The following NTN4 variants were observed in gnomAD, a reference collection of about 807,000 sequenced individuals.
NTN4 encodes the protein netrin 4.
NTN4 carries 32 observed loss-of-function variants against 73.6 expected under a neutral mutation model. That is an observed-to-expected ratio of 0.44 (90% CI 0.33 to 0.58). NTN4 has a LOEUF of 0.58. NTN4 is among the 20% of genes least tolerant of loss of function. NTN4 has a pLI of 0.04. For synonymous variants in NTN4, 258 were observed against 287.5 expected (o/e 0.90, Z 1.04); for missense variants, 654 against 798.3 (o/e 0.82, Z 2.18).
At chr12:95,764,832 T>A (rs1235547133) in intron 2 of NTN4, among the ~76,000 whole-genome samples, 1 of 152,232 alleles carries the variant, frequency 6.6e-6, no homozygotes, top group African/African-American at 2.4e-5. Context: ...ATTGAGAATC[T>A]TTTACACGTT....
Position 95,781,311 on chromosome 12 carries a change from TTAAAA to T in NTN4, c.585+5623_585+5627del, listed in dbSNP as rs1206996995. 6.6e-6 allele frequency among the ~76,000 whole-genome samples: 1 copy of T among 151,958 alleles called. No individual in the cohort carries two copies. The highest frequency in any genetic ancestry group is 1.9e-4 in the East Asian group (1 of 5,178). On this transcript the variant is annotated intron_variant, in intron 2 of 9. Coordinates refer to ENST00000343702, the MANE Select transcript of NTN4 (RefSeq NM_021229.4). The surrounding 1 kb of genome is among the most constrained non-coding windows in gnomAD (Gnocchi z 4.1). ...AGAACTTAAAGTATAATAAAAAAATTTAAAAAACCATACCATTACCATAAAGCAAA... is the reference window on the plus strand; with the variant it reads ...AGAACTTAAAGTATAATAAAAAAATTAACCATACCATTACCATAAAGCAAA...
Position 95,658,445 on chromosome 12 carries a change from T to C in NTN4, c.*641A>G, listed in dbSNP as rs1446119469. The C allele has an allele frequency of 6.6e-6, 1 of 152,638 alleles. No homozygotes were observed. The highest frequency in any genetic ancestry group is 1.5e-5 in the Non-Finnish European group (1 of 68,046). The allele number at this position is 152,638 out of a possible 1,614,324, so 9.5% of individuals were successfully genotyped here. On this transcript the variant is annotated 3_prime_UTR_variant, in exon 10 of 10. Transcript: ENST00000343702. Reference sequence around the variant, plus strand: ...TCAGAGTTAAATAGCACAACTTCTTTTATATGGTCACTTTTGTCCACATGT... The same window carrying C: ...TCAGAGTTAAATAGCACAACTTCTTCTATATGGTCACTTTTGTCCACATGT...
rs188635736 is a variant in NTN4 at position 95,675,795 on chromosome 12, G to C, written c.1511-5649C>G. Among the ~76,000 whole-genome samples, 324 of 152,160 alleles carry C rather than the reference G, an allele frequency of 2.1e-3. 1 individual carries two copies. The highest frequency in any genetic ancestry group is 0.017 in the Middle Eastern group (5 of 294). On this transcript the variant is annotated intron_variant, in intron 7 of 9. Transcript: ENST00000343702. ...GAGTTCAGATACAAAGGAGTTAATA[G>C]GACAAAAAAGAGATCACAGTCAGAC...
At chr12:95,687,634 C>A (rs1052136524) in intron 5 of NTN4, among the ~76,000 whole-genome samples, 2 of 152,040 alleles carry the variant, frequency 1.3e-5, no homozygotes, top group Non-Finnish European at 2.9e-5. Flanking sequence ...CTCCTGACGT[C>A]AAGTGATCTG....
intron 2 of NTN4, among the ~76,000 whole-genome samples, chr12:95,739,318 T>A (rs1192227986): frequency 6.6e-6 from 1 of 152,200 alleles, no homozygotes; most frequent in East Asian, 1.9e-4. Flanking sequence ...TTAACCGGTA[T>A]TTGTATTTCT....
chr12:95,732,820 A>G (rs913583102), intron 3 of NTN4, among the ~76,000 whole-genome samples: 2 of 152,238 alleles, frequency 1.3e-5, no homozygotes, highest in African/African-American at 2.4e-5. Context: ...AAAACATGAC[A>G]TATGATATAT....
chr12:95,746,677 G>A (rs548246979), intron 2 of NTN4, among the ~76,000 whole-genome samples: 2 of 152,232 alleles, frequency 1.3e-5, no homozygotes, highest in East Asian at 3.9e-4. Flanking sequence ...TCTCCTCTGT[G>A]GAACTCTACC....
At chr12:95,703,062 G>A (rs2078498203) in intron 5 of NTN4, among the ~76,000 whole-genome samples, 1 of 151,902 alleles carries the variant, frequency 6.6e-6, no homozygotes. Flanking sequence ...TCACCATGTT[G>A]GCCAGGCTGG....
At chr12:95,710,260 T>C (rs2078554289) in intron 5 of NTN4, among the ~76,000 whole-genome samples, 181 bp downstream of exon 5, 1 of 152,226 alleles carries the variant, frequency 6.6e-6, no homozygotes, top group Non-Finnish European at 1.5e-5. Flanking sequence ...AATATTATAC[T>C]GTTTTCACCC....
intron 2 of NTN4, among the ~76,000 whole-genome samples, chr12:95,775,294 G>A (rs181495074): frequency 1.3e-5 from 2 of 152,282 alleles, no homozygotes; most frequent in African/African-American, 4.8e-5. Context: ...TCCAACTGAG[G>A]TACCGGGTTC....
chr12:95,713,417 T>A, intron 3 of NTN4, 79 bp from the exon 4 acceptor site: 1 of 1,431,870 alleles, frequency 7.0e-7, no homozygotes, highest in Non-Finnish European at 9.4e-7. Context: ...CAATCTAATC[T>A]CATGGATTGG....
intron 9 of NTN4, among the ~76,000 whole-genome samples, chr12:95,660,574 C>G (rs1208994823): frequency 6.6e-6 from 1 of 152,012 alleles, no homozygotes; most frequent in African/African-American, 2.4e-5. Flanking sequence ...AAAGGACAGT[C>G]TCATCACCTA....
intron 2 of NTN4, among the ~76,000 whole-genome samples, chr12:95,742,542 G>T (rs531269217): frequency 4.3e-4 from 64 of 147,632 alleles, no homozygotes; most frequent in Non-Finnish European, 8.8e-4. Flanking sequence ...ACATTGTATT[G>T]CCTATGTTGA....
chr12:95,760,283 C>A (rs188857492), intron 2 of NTN4, among the ~76,000 whole-genome samples: 61 of 152,248 alleles, frequency 4.0e-4, no homozygotes, highest in Non-Finnish European at 2.9e-5. Context: ...GTGAACTATT[C>A]CCAGACTCAT....
intron 3 of NTN4, among the ~76,000 whole-genome samples, chr12:95,731,512 G>A (rs2078737037): frequency 6.6e-6 from 1 of 152,154 alleles, no homozygotes; most frequent in Admixed American, 6.5e-5. Flanking sequence ...GTTGCAGTGA[G>A]CCGAGATTGC....
rs562665589 is a variant in NTN4, at chr12:95,716,274, A to G, written c.865-2936T>C. On this transcript the variant is annotated intron_variant, in intron 3 of 9. Transcript: ENST00000343702. ...TTAGTGCTGTCTGTATAAAACTTCT[A>G]AGTGCAGTCCCTGAGTCTGTGTCCT... Among the ~76,000 whole-genome samples the G allele has an allele frequency of 7.2e-5, 11 of 152,298 alleles. No individual in the cohort carries two copies. The South Asian group carries it at 2.1e-3, about 29-fold the overall frequency.
At chr12:95,743,210 T>G (rs925506412) in intron 2 of NTN4, among the ~76,000 whole-genome samples, 1 of 152,234 alleles carries the variant, frequency 6.6e-6, no homozygotes, top group Non-Finnish European at 1.5e-5. Flanking sequence ...TTAACAGTTC[T>G]TAAGATACTA....
At chr12:95,712,601 G>A (rs934521016) in intron 4 of NTN4, among the ~76,000 whole-genome samples, 4 of 151,680 alleles carry the variant, frequency 2.6e-5, no homozygotes, top group Admixed American at 6.6e-5. Flanking sequence ...GTCTATTCAT[G>A]TATTTATTTA....
intron 2 of NTN4, among the ~76,000 whole-genome samples, chr12:95,769,368 A>T (rs1449968237): frequency 6.6e-6 from 1 of 152,130 alleles, no homozygotes; most frequent in Non-Finnish European, 1.5e-5. Flanking sequence ...TAGGAGCCAG[A>T]GCAGAGATAA....
Sources: allele counts gnomAD v4.1 joint callset (sites outside exome capture counted in the v4.1 genomes callset), GRCh38; gene constraint gnomAD v4.1.1; non-coding constraint Gnocchi (gnomAD v3.1); transcripts MANE v1.5; gene names NCBI Gene and HGNC (gene_info 2026-07-23, HGNC 2026-07-21).